Variants in RALYL observed in about 807,000 individuals in gnomAD.
RALYL encodes RALY RNA binding protein like, also known as RNA-binding Raly-like protein.
In RALYL, 29 loss-of-function variants were observed where a neutral mutation model predicts 35.1. That is an observed-to-expected ratio of 0.83 (90% CI 0.61 to 1.13). The LOEUF (loss-of-function observed/expected upper bound fraction) is 1.13, where lower values mean the gene tolerates loss of function less well. RALYL is among the 50% of genes most tolerant of loss of function. RALYL has a pLI of 0.00. For missense variants in RALYL, 359 were observed against 360.4 expected (o/e 1.00, Z 0.03); for synonymous variants, 120 against 127.6 (o/e 0.94, Z 0.40).
At chr8:84,543,016 C>T (rs2060119123) in intron 2 of RALYL, among the ~76,000 whole-genome samples, 1 of 152,094 alleles carries the variant, frequency 6.6e-6, no homozygotes, top group Non-Finnish European at 1.5e-5. Context: ...ATCATTTGTC[C>T]TATATAATTG....
intron 1 of RALYL, among the ~76,000 whole-genome samples, chr8:84,411,894 T>A (rs1208957445): frequency 6.6e-6 from 1 of 152,002 alleles, no homozygotes; most frequent in East Asian, 1.9e-4. Flanking sequence ...ACTTACAAGC[T>A]GTATGACAAT....
chr8:84,468,567 G>A (rs1250722962), intron 1 of RALYL, among the ~76,000 whole-genome samples: 7 of 148,436 alleles, frequency 4.7e-5, no homozygotes, highest in African/African-American at 1.7e-4. Context: ...CTCTCTGGCT[G>A]CCCTTAACAT....
At chr8:84,555,145 GGC>G (rs2061017269) in intron 2 of RALYL, among the ~76,000 whole-genome samples, 1 of 152,122 alleles carries the variant, frequency 6.6e-6, no homozygotes, top group Non-Finnish European at 1.5e-5. Flanking sequence ...CGGGCGTGGT[GGC>G]ACACGCCTGT....
intron 1 of RALYL, among the ~76,000 whole-genome samples, chr8:84,198,516 C>A (rs1815993326): frequency 6.6e-6 from 1 of 152,048 alleles, no homozygotes; most frequent in Non-Finnish European, 1.5e-5. Context: ...ACAAACAATC[C>A]AATGATACCC....
chr8:84,836,373 T>A (rs1832026656), intron 4 of RALYL, among the ~76,000 whole-genome samples: 4 of 152,196 alleles, frequency 2.6e-5, no homozygotes, highest in Admixed American at 1.3e-4. Flanking sequence ...CTTCCTCAGG[T>A]GACAGGTCCT....
intron 3 of RALYL, among the ~76,000 whole-genome samples, chr8:84,801,953 AT>A (rs1324055309): frequency 6.6e-6 from 1 of 152,188 alleles, no homozygotes; most frequent in African/African-American, 2.4e-5. Flanking sequence ...AGGAAAATAA[AT>A]AACTTGATAT....
At chr8:84,259,716 A>T (rs1383790775) in intron 1 of RALYL, among the ~76,000 whole-genome samples, 2 of 152,064 alleles carry the variant, frequency 1.3e-5, no homozygotes, top group Non-Finnish European at 2.9e-5. Context: ...TTTTTATCCC[A>T]CCTTTAATTT....
At chr8:84,209,804 C>A (rs1819013385) in intron 1 of RALYL, among the ~76,000 whole-genome samples, 1 of 152,148 alleles carries the variant, frequency 6.6e-6, no homozygotes, top group Admixed American at 6.6e-5. Context: ...TGTTCTAACA[C>A]CTCTTCATCC....
intron 4 of RALYL, among the ~76,000 whole-genome samples, chr8:84,811,137 T>A (rs1402247094): frequency 6.6e-6 from 1 of 152,156 alleles, no homozygotes; most frequent in Admixed American, 6.5e-5. Context: ...AAAGAGGTTC[T>A]GTTTTGATGC....
chr8:84,743,309 C>T (rs1807811155), intron 2 of RALYL, among the ~76,000 whole-genome samples: 1 of 151,846 alleles, frequency 6.6e-6, no homozygotes, highest in Non-Finnish European at 1.5e-5. Flanking sequence ...GGTCACTTTG[C>T]ATTTGAGTTC....
intron 4 of RALYL, among the ~76,000 whole-genome samples, chr8:84,814,415 G>T (rs1030905159): frequency 3.3e-5 from 5 of 152,060 alleles, no homozygotes; most frequent in African/African-American, 7.2e-5. Flanking sequence ...AGATTTTAAT[G>T]ATGAATACTA....
rs543385157 is a variant in RALYL, at chr8:84,368,443, G to A, written c.-23-160856G>A. ...ATATAGTGCATATACCATGTTTTAC[G>A]CAACACTCCCAGTAGCATTTGGTCA... On this transcript the variant is annotated intron_variant, in intron 1 of 8. Transcript: ENST00000521268. 5.3e-5 allele frequency among the ~76,000 whole-genome samples: 8 copies of A among 152,068 alleles called. No homozygotes were observed. The East Asian group carries it at 5.8e-4, about 11-fold the overall frequency.
At chr8:84,499,689 A>G (rs984561144) in intron 1 of RALYL, among the ~76,000 whole-genome samples, 1 of 151,144 alleles carries the variant, frequency 6.6e-6, no homozygotes. Context: ...CTTAAAACAC[A>G]TTGGCATTTC....
chr8:84,682,859 T>A (rs920492567), intron 2 of RALYL, among the ~76,000 whole-genome samples: 1 of 152,178 alleles, frequency 6.6e-6, no homozygotes, highest in African/African-American at 2.4e-5. Context: ...TGCTCTGACC[T>A]TAGTTATTTC....
At chr8:84,304,695 A>G (rs1196490498) in intron 1 of RALYL, among the ~76,000 whole-genome samples, 3 of 152,162 alleles carry the variant, frequency 2.0e-5, no homozygotes, top group Non-Finnish European at 4.4e-5. Flanking sequence ...TGCTCTTTCT[A>G]CATATCTGTA....
rs112704299 is a variant in RALYL, at chr8:84,215,146, G to GA, written c.-24+30728dup. On this transcript the variant is annotated intron_variant, in intron 1 of 8. Coordinates refer to ENST00000521268, the MANE Select transcript of RALYL (RefSeq NM_173848.7). ...CTGGTCCTTCCTCAGAGTTTTACAA[G>GA]AAAAAACACTGATTTATCTGATTCA... Among the ~76,000 whole-genome samples the GA allele has an allele frequency of 7.1e-4, 108 of 151,888 alleles. 2 individuals are homozygous for GA. The highest frequency in any genetic ancestry group is 2.4e-3 in the African/African-American group (99 of 41,426).
intron 1 of RALYL, among the ~76,000 whole-genome samples, chr8:84,428,015 G>A (rs967844088): frequency 2.6e-5 from 4 of 151,734 alleles, no homozygotes; most frequent in African/African-American, 9.7e-5. Flanking sequence ...AATAAAGATT[G>A]CCAGAGAGAC....
intron 2 of RALYL, among the ~76,000 whole-genome samples, chr8:84,535,717 G>T (rs1216033782): frequency 6.6e-6 from 1 of 150,998 alleles, no homozygotes; most frequent in Non-Finnish European, 1.5e-5. Flanking sequence ...CTCGTGATCC[G>T]CCCACCTCGG....
intron 2 of RALYL, among the ~76,000 whole-genome samples, chr8:84,576,410 A>G (rs890764776): frequency 7.2e-5 from 11 of 152,238 alleles, no homozygotes; most frequent in Non-Finnish European, 1.6e-4. Context: ...GAATTTAGAA[A>G]AAACAATTGT....
Sources: allele counts gnomAD v4.1 joint callset (sites outside exome capture counted in the v4.1 genomes callset), GRCh38; gene constraint gnomAD v4.1.1; transcripts MANE v1.5; gene names NCBI Gene and HGNC (gene_info 2026-07-23, HGNC 2026-07-21).